Variants in TOGARAM1 observed in about 807,000 individuals in gnomAD.
The protein encoded by TOGARAM1 is TOG array regulator of axonemal microtubules protein 1.
A neutral mutation model predicts 166.6 loss-of-function variants in TOGARAM1; 100 were observed. The observed-to-expected ratio is 0.60, with a 90% CI of 0.51 to 0.71. The LOEUF (loss-of-function observed/expected upper bound fraction) is 0.71. Among genes scored for constraint, TOGARAM1 ranks in the 30% least tolerant of loss-of-function variants. The pLI, the probability that TOGARAM1 is intolerant of heterozygous loss-of-function variation, is 0.00. For missense variants in TOGARAM1, 2,029 were observed against 2,102.7 expected (o/e 0.96, Z 0.69); for synonymous variants, 758 against 763.8 (o/e 0.99, Z 0.13).
chr14:45,019,138 T>G (rs182784098), intron 7 of TOGARAM1, among the ~76,000 whole-genome samples: 1 of 152,340 alleles, frequency 6.6e-6, no homozygotes, highest in East Asian at 1.9e-4. Context: ...CATTACCATT[T>G]TCCCAGTTAT....
At position 45,014,181 on chromosome 14, in the gene TOGARAM1, G is replaced by C. The variant is rs1360470744; in HGVS notation, c.3238+2106G>C. On this transcript the variant is annotated intron_variant, in intron 7 of 19. Coordinates refer to ENST00000361462, the MANE Select transcript of TOGARAM1 (RefSeq NM_001308120.2). ...CTTCCTCAGCCTCCCAGGTAGCTGGGACTACAGGCGCCTGCCACTACGCCT... is the reference window on the plus strand; with the variant it reads ...CTTCCTCAGCCTCCCAGGTAGCTGGCACTACAGGCGCCTGCCACTACGCCT... 2.0e-5 allele frequency among the ~76,000 whole-genome samples: 3 copies of C among 152,002 alleles called. No homozygotes were observed. In the East Asian group the frequency reaches 5.8e-4, roughly 29 times the overall value.
At chr14:44,965,862 A>C (rs902553665) in intron 1 of TOGARAM1, among the ~76,000 whole-genome samples, 12 of 151,238 alleles carry the variant, frequency 7.9e-5, no homozygotes, top group South Asian at 2.1e-4. Flanking sequence ...GGGGCTTACA[A>C]ATAGTAATTT....
intron 10 of TOGARAM1, among the ~76,000 whole-genome samples, 195 bp downstream of exon 10, chr14:45,028,524 T>C (rs774294967): frequency 5.3e-5 from 8 of 152,206 alleles, no homozygotes; most frequent in Non-Finnish European, 1.2e-4. Context: ...AATATCTTGA[T>C]TATCTCAAAG....
At position 45,073,922 on chromosome 14, in the gene TOGARAM1, A is replaced by G. The variant is rs777752255; in HGVS notation, c.*361A>G. 14 of 165,056 alleles carry G rather than the reference A, an allele frequency of 8.5e-5. No individual in the cohort carries two copies. Among genetic ancestry groups the G allele is most frequent in the Admixed American group, 1.8e-4 (3 of 16,386 alleles). 10.2% of individuals were successfully genotyped at this position (165,056 alleles called of 1,614,324 possible). The stretch of plus-strand genomic sequence containing the variant: ...AAAATACACATTTTATTATGTAATC[A>G]TGTTCTGGTATGTCTCATTTCTCAG... On this transcript the variant is annotated 3_prime_UTR_variant, in exon 20 of 20. Transcript: ENST00000361462.
intron 1 of TOGARAM1, among the ~76,000 whole-genome samples, chr14:44,971,004 T>C (rs190116817): frequency 9.4e-4 from 143 of 152,288 alleles, no homozygotes; most frequent in African/African-American, 3.2e-3. Context: ...GTTTTTGTTT[T>C]GTTTTGTTTT....
At chr14:44,976,940 T>C (rs369189995) in intron 1 of TOGARAM1, among the ~76,000 whole-genome samples, 2 of 152,172 alleles carry the variant, frequency 1.3e-5, no homozygotes, top group South Asian at 2.1e-4. Flanking sequence ...AACCTAAAAA[T>C]TAGTATTTTA....
Position 45,074,316 on chromosome 14 carries a change from C to A in TOGARAM1, c.*755C>A, listed in dbSNP as rs1025413366. On this transcript the variant is annotated 3_prime_UTR_variant, in exon 20 of 20. Coordinates refer to ENST00000361462, the MANE Select transcript of TOGARAM1 (RefSeq NM_001308120.2). ...TATTCTGCTGCCCAGTTTTGTAATT[C>A]TCAAAAATAGTGCCAGGTCTTCTAT... The A allele has an allele frequency of 3.3e-5, 5 of 152,404 alleles. No individual in the cohort carries two copies. The highest frequency in any genetic ancestry group is 9.7e-5 in the African/African-American group (4 of 41,368). The allele number at this position is 152,404 out of a possible 1,614,324, so 9.4% of individuals were successfully genotyped here.
chr14:45,066,722 A>G lies in TOGARAM1; in HGVS notation c.4704A>G (p.Ser1568=), dbSNP rs1594708524. The part of the protein sequence containing the change: ...DRINGIKQLL[S]DTENNQDLVV... ...TTAATGGGATTAAGCAGCTTTTATC[A>G]GATACAGAAAATAATCAAGACCTTG... is the stretch of plus-strand genomic sequence containing the variant. Residue 1568 remains serine (S), a synonymous_variant, in exon 17 of 20, where the codon TCA becomes TCG. Coordinates refer to ENST00000361462, the MANE Select transcript of TOGARAM1 (RefSeq NM_001308120.2). 3 of 1,613,460 alleles carry G rather than the reference A, an allele frequency of 1.9e-6. No homozygotes were observed. Among genetic ancestry groups the G allele is most frequent in the Non-Finnish European group, 1.7e-6 (2 of 1,179,544 alleles).
intron 15 of TOGARAM1, among the ~76,000 whole-genome samples, chr14:45,053,868 G>T (rs546917092): frequency 6.7e-6 from 1 of 150,370 alleles, no homozygotes; most frequent in South Asian, 2.1e-4. Flanking sequence ...ACGAAATACA[G>T]CATATTATTA....
intron 1 of TOGARAM1, among the ~76,000 whole-genome samples, chr14:44,967,682 G>A (rs914312291): frequency 6.6e-6 from 1 of 152,280 alleles, no homozygotes; most frequent in African/African-American, 2.4e-5. Flanking sequence ...AACACAAGGG[G>A]CCTAGTGGGA....
chr14:45,063,450 G>A (rs1040915164), intron 16 of TOGARAM1, among the ~76,000 whole-genome samples: 2 of 149,684 alleles, frequency 1.3e-5, no homozygotes, highest in Non-Finnish European at 3.0e-5. Flanking sequence ...TTATTTCAGT[G>A]GCTATAAACT....
intron 11 of TOGARAM1, among the ~76,000 whole-genome samples, chr14:45,036,063 G>A (rs769586757): frequency 2.7e-5 from 4 of 147,940 alleles, no homozygotes; most frequent in South Asian, 2.1e-4. Flanking sequence ...CCAGGGGTTC[G>A]AGGCTGCAGT....
At chr14:45,047,030 G>A (rs2138960385) in intron 14 of TOGARAM1, among the ~76,000 whole-genome samples, 1 of 152,308 alleles carries the variant, frequency 6.6e-6, no homozygotes, top group Non-Finnish European at 1.5e-5. Flanking sequence ...GTAAGGTAAT[G>A]CATTTAGGGG....
intron 11 of TOGARAM1, among the ~76,000 whole-genome samples, chr14:45,039,289 G>A (rs1185933283): frequency 6.6e-6 from 1 of 152,266 alleles, no homozygotes; most frequent in South Asian, 2.1e-4. Context: ...GGGAGGACGT[G>A]CATATTGATT....
intron 8 of TOGARAM1, among the ~76,000 whole-genome samples, chr14:45,026,700 T>G (rs1036890032): frequency 6.6e-6 from 1 of 151,956 alleles, no homozygotes; most frequent in African/African-American, 2.4e-5. Context: ...CTTGAAACCA[T>G]CTTAAACACC....
intron 14 of TOGARAM1, among the ~76,000 whole-genome samples, chr14:45,049,348 C>G (rs377104030): frequency 1.3e-5 from 2 of 152,094 alleles, no homozygotes; most frequent in South Asian, 4.1e-4. Flanking sequence ...CTGCAAGCTC[C>G]GCCTTCCGGG....
At chr14:45,056,580 G>T (rs139053400) in intron 16 of TOGARAM1, among the ~76,000 whole-genome samples, 47 of 152,230 alleles carry the variant, frequency 3.1e-4, no homozygotes, top group African/African-American at 1.1e-3. Flanking sequence ...ATGAAGTGAT[G>T]ATGAATTTTA....
chr14:45,031,940 G>A (rs527981590), intron 10 of TOGARAM1, among the ~76,000 whole-genome samples: 29 of 152,182 alleles, frequency 1.9e-4, no homozygotes, highest in African/African-American at 6.7e-4. Flanking sequence ...CGGATGGATT[G>A]CTTGAGGTCA....
At chr14:45,066,403 A>G (rs1163645775) in intron 16 of TOGARAM1, among the ~76,000 whole-genome samples, 175 bp from the exon 17 acceptor site, 1 of 152,150 alleles carries the variant, frequency 6.6e-6, no homozygotes, top group Non-Finnish European at 1.5e-5. Flanking sequence ...ATCCAAATCC[A>G]GGGGAGATCC....
Sources: allele counts gnomAD v4.1 joint callset (sites outside exome capture counted in the v4.1 genomes callset), GRCh38; gene constraint gnomAD v4.1.1; transcripts MANE v1.5; gene names NCBI Gene and HGNC (gene_info 2026-07-23, HGNC 2026-07-21).